The following DENND6A variants were observed in gnomAD, a reference collection of about 807,000 sequenced individuals.
The protein encoded by DENND6A is DENN domain containing 6A.
A neutral mutation model predicts 95.5 loss-of-function variants in DENND6A; 43 were observed. The observed-to-expected ratio is 0.45, with a 90% CI of 0.35 to 0.58. The LOEUF is 0.58. DENND6A is among the 20% of genes least tolerant of loss of function. The pLI, the probability that DENND6A is intolerant of heterozygous loss-of-function variation, is 0.00. For missense variants in DENND6A, 574 were observed against 736.0 expected, an observed-to-expected ratio of 0.78 and a Z score of 2.55; for synonymous variants, 257 against 260.4, an observed-to-expected ratio of 0.99 and a Z score of 0.13.
chr3:57,638,356 AT>A (rs1246290826), intron 12 of DENND6A, among the ~76,000 whole-genome samples: 1 of 151,938 alleles, frequency 6.6e-6, no homozygotes, highest in African/African-American at 2.4e-5. Context: ...CAAAGAAAAT[AT>A]ATAAATGGCC....
At chr3:57,654,760 T>A (rs577635322) in intron 9 of DENND6A, 2 of 985,406 alleles carry the variant, frequency 2.0e-6, no homozygotes, top group African/African-American at 3.5e-5. Context: ...CACTCAACTG[T>A]ATCTCTGCTA....
chr3:57,660,178 T>G (rs557329912), intron 7 of DENND6A, among the ~76,000 whole-genome samples: 22 of 143,944 alleles, frequency 1.5e-4, no homozygotes, highest in Non-Finnish European at 3.0e-4. Flanking sequence ...AGCCCATGTG[T>G]GAGCTTCCTA....
At chr3:57,636,964 T>C (rs2070808529) in intron 12 of DENND6A, among the ~76,000 whole-genome samples, 1 of 147,282 alleles carries the variant, frequency 6.8e-6, no homozygotes, top group African/African-American at 2.5e-5. Context: ...AAAAAAGTTA[T>C]CCATAGGAAG....
intron 11 of DENND6A, among the ~76,000 whole-genome samples, chr3:57,642,732 C>T (rs1431056302): frequency 3.9e-5 from 6 of 152,124 alleles, no homozygotes; most frequent in Middle Eastern, 3.4e-3. Context: ...CGGCCAGGCG[C>T]GGTGGCTCAC....
In DENND6A at chr3:57,666,134, C is replaced by G. The variant is rs754031039; in HGVS notation, c.421G>C (p.Val141Leu). The G allele has an allele frequency of 1.1e-5, 17 of 1,612,974 alleles. No individual in the cohort carries two copies. In the Admixed American group the frequency reaches 1.8e-4, roughly 17 times the overall value. ...LLDQFDKDLPVYLKKDPAYFY... is the reference protein window; with the variant it reads ...LLDQFDKDLPLYLKKDPAYFY... ...ACTACTTTTCCAACCTTTAAGTAAA[C>G]TGGTAAATCTTTGTCAAATTGATCC... Residue 141 changes from valine (V) to leucine (L), a missense_variant, in exon 4 of 20, where the codon GTT (valine) becomes CTT (leucine). Val to Leu is a conservative substitution (Grantham distance 32). Transcript: ENST00000311128.
intron 9 of DENND6A, among the ~76,000 whole-genome samples, chr3:57,653,724 C>T (rs1245454024): frequency 2.3e-5 from 3 of 132,570 alleles, no homozygotes; most frequent in South Asian, 2.4e-4. Flanking sequence ...CCGGCCTGGG[C>T]GACAGAGCGA....
chr3:57,692,119 T>C (rs932668678), intron 1 of DENND6A, among the ~76,000 whole-genome samples: 1 of 150,084 alleles, frequency 6.7e-6, no homozygotes, highest in Non-Finnish European at 1.5e-5. Context: ...CCCCAGCTAC[T>C]CGGGAGGCTG....
chr3:57,660,918 C>G, intron 6 of DENND6A, 79 bp from the exon 7 acceptor site: 1 of 1,262,214 alleles, frequency 7.9e-7, no homozygotes, highest in Non-Finnish European at 1.1e-6. Context: ...GAAATAAGAA[C>G]ACTACTTTCC....
chr3:57,684,627 A>C (rs2077196155), intron 1 of DENND6A, among the ~76,000 whole-genome samples: 1 of 152,042 alleles, frequency 6.6e-6, no homozygotes, highest in Admixed American at 6.5e-5. Flanking sequence ...CTACAAAAAA[A>C]CAAAAAAGTA....
intron 4 of DENND6A, among the ~76,000 whole-genome samples, chr3:57,665,705 A>C (rs2071515530): frequency 6.6e-6 from 1 of 152,302 alleles, no homozygotes; most frequent in East Asian, 1.9e-4. Context: ...AGGTCATCTG[A>C]ATTATTAAAA....
intron 1 of DENND6A, among the ~76,000 whole-genome samples, chr3:57,673,858 C>T (rs998044383): frequency 3.9e-5 from 6 of 152,116 alleles, no homozygotes; most frequent in African/African-American, 1.4e-4. Context: ...GATTCTTCCC[C>T]TCCCGGGTTC....
intron 9 of DENND6A, among the ~76,000 whole-genome samples, chr3:57,651,865 A>C (rs956473769): frequency 6.6e-6 from 1 of 152,130 alleles, no homozygotes; most frequent in Non-Finnish European, 1.5e-5. Flanking sequence ...CTATTGAATA[A>C]AACAAGAAAT....
intron 10 of DENND6A, among the ~76,000 whole-genome samples, chr3:57,646,006 C>A (rs955810420): frequency 6.6e-6 from 1 of 152,136 alleles, no homozygotes; most frequent in African/African-American, 2.4e-5. Context: ...TAGCTATGTG[C>A]CTTTGACTCT....
chr3:57,655,034 G>T (rs899949323), intron 9 of DENND6A: 12 of 161,308 alleles, frequency 7.4e-5, no homozygotes, highest in African/African-American at 2.4e-4. Flanking sequence ...TGGAAAACAA[G>T]AATTTTTTTT....
intron 3 of DENND6A, among the ~76,000 whole-genome samples, chr3:57,669,218 T>G (rs1168497935): frequency 6.6e-6 from 1 of 152,156 alleles, no homozygotes; most frequent in Admixed American, 6.6e-5. Context: ...ACTGTATGGA[T>G]AACTACAACT....
chr3:57,646,643 A>T (rs2071086822), intron 9 of DENND6A, among the ~76,000 whole-genome samples: 1 of 152,202 alleles, frequency 6.6e-6, no homozygotes, highest in Admixed American at 6.5e-5. Flanking sequence ...TATCAATTTG[A>T]CTCATCCTAA....
intron 1 of DENND6A, among the ~76,000 whole-genome samples, chr3:57,677,880 G>A (rs901442839): frequency 6.6e-6 from 1 of 152,078 alleles, no homozygotes; most frequent in Non-Finnish European, 1.5e-5. Flanking sequence ...TCCCCTATCA[G>A]CTGGGATTAA....
intron 12 of DENND6A, among the ~76,000 whole-genome samples, chr3:57,635,458 TA>T (rs933901285): frequency 1.3e-5 from 2 of 152,114 alleles, no homozygotes; most frequent in African/African-American, 4.8e-5. Flanking sequence ...AAGATACACT[TA>T]AAAGTGTCAT....
intron 3 of DENND6A, among the ~76,000 whole-genome samples, chr3:57,668,481 T>C (rs1013635531): frequency 6.6e-6 from 1 of 152,142 alleles, no homozygotes; most frequent in Non-Finnish European, 1.5e-5. Flanking sequence ...TACATCCAGA[T>C]GATGTTAATG....
Sources: gnomAD v4.1 joint callset for allele counts (sites outside exome capture counted in the v4.1 genomes callset) on GRCh38, gnomAD v4.1.1 for gene constraint, MANE v1.5 for transcripts, NCBI Gene and HGNC (gene_info 2026-07-23, HGNC 2026-07-21) for gene names.